Variants in LDB1 observed in about 807,000 individuals in gnomAD.
The protein encoded by LDB1 is LIM domain binding 1, also known as LIM domain-binding protein 1.
Under a neutral mutation model 49.7 loss-of-function variants are expected in LDB1, and 6 were observed. The ratio of observed to expected loss-of-function variants is 0.12; its 90% confidence interval spans 0.07 to 0.24. The LOEUF (loss-of-function observed/expected upper bound fraction) is 0.24, where lower values mean the gene tolerates loss of function less well. LDB1 is among the 10% of genes least tolerant of loss of function. The pLI is 1.00. For synonymous variants in LDB1, 233 were observed against 202.0 expected, an observed-to-expected ratio of 1.15 and a Z score of -1.30; for missense variants, 341 against 561.7, an observed-to-expected ratio of 0.61 and a Z score of 3.97.
rs923233367 is a variant in LDB1, at chr10:102,119,702, G to T, written c.25+384C>A. Among the ~76,000 whole-genome samples, 6 of 147,954 alleles carry T rather than the reference G, an allele frequency of 4.1e-5. 1 individual carries two copies. The highest frequency in any genetic ancestry group is 7.5e-5 in the Non-Finnish European group (5 of 66,890). ...TAAGAGGCAATGGGCAGCAGGGAAGGGGGGGCAGCCCAAACCAGCCAATCA... is the reference window on the plus strand; with the variant it reads ...TAAGAGGCAATGGGCAGCAGGGAAGTGGGGGCAGCCCAAACCAGCCAATCA... On this transcript the variant is annotated intron_variant, in intron 1 of 10. Coordinates refer to ENST00000673968, the MANE Select transcript of LDB1 (RefSeq NM_001113407.3).
At chr10:102,112,105 C>G (rs2068264697) in intron 1 of LDB1, among the ~76,000 whole-genome samples, 1 of 152,084 alleles carries the variant, frequency 6.6e-6, no homozygotes, top group Non-Finnish European at 1.5e-5. Context: ...TTGGCTGAGT[C>G]CTAGATGACA....
downstream of LDB1, among the ~76,000 whole-genome samples, chr10:102,105,263 G>A (rs548694058): frequency 1.3e-5 from 2 of 152,290 alleles, no homozygotes; most frequent in East Asian, 3.9e-4. Flanking sequence ...GAAGAGTTGG[G>A]GGTGGGGTGC....
At chr10:102,103,082 TG>T (rs1267969904), downstream of LDB1, among the ~76,000 whole-genome samples, 1 of 152,174 alleles carries the variant, frequency 6.6e-6, no homozygotes, top group Non-Finnish European at 1.5e-5. Context: ...CAGGCTGGAG[TG>T]CAGTGGCACA....
chr10:102,109,856 G>A lies in LDB1; in HGVS notation c.648+65C>T, dbSNP rs890941530. On this transcript the variant is annotated intron_variant, in intron 7 of 10. Coordinates refer to ENST00000673968, the MANE Select transcript of LDB1 (RefSeq NM_001113407.3). The surrounding 1 kb of genome is among the most constrained non-coding windows in gnomAD (Gnocchi z 5.8). ...CTAAGTAGTCAGTCGGGAAATGGCA[G>A]ACCTTGTTCCACCCTTCCCCCGCCT... 7.4e-5 allele frequency: 117 copies of A among 1,586,840 alleles called. No individual in the cohort carries two copies. The South Asian group carries it at 1.1e-3, about 15-fold the overall frequency.
rs541946512 is a variant in LDB1 at position 102,110,610 on chromosome 10, C to T, written c.444G>A (p.Glu148=). 7.3e-5 allele frequency: 118 copies of T among 1,614,074 alleles called. 2 individuals are homozygous for T. The South Asian group carries it at 1.3e-3, about 17-fold the overall frequency. ...GGGACACAAAGTTGCTGTGGAATGC[C>T]TCCTTGGGGTGCTTAAGAACATAGT... ...ELYYVLKHPK[E]AFHSNFVSLD... The change falls in exon 6 of 11, where the codon GAG becomes GAA. Residue 148 remains glutamate (E), a synonymous_variant. Coordinates refer to ENST00000673968, the MANE Select transcript of LDB1 (RefSeq NM_001113407.3).
At chr10:102,120,941 C>G (rs1019093404), upstream of LDB1, among the ~76,000 whole-genome samples, 1 of 152,154 alleles carries the variant, frequency 6.6e-6, no homozygotes, top group Non-Finnish European at 1.5e-5. Context: ...TCTGGAGGCC[C>G]CTTGTTTCGC....
At position 102,117,242 on chromosome 10, in the gene LDB1, G is replaced by A. The variant is rs1590290097; in HGVS notation, c.25+2844C>T. Among the ~76,000 whole-genome samples the A allele has an allele frequency of 6.6e-6, 1 of 152,272 alleles. No homozygotes were observed. The highest frequency in any genetic ancestry group is 3.4e-3 in the Middle Eastern group (1 of 294). On this transcript the variant is annotated intron_variant, in intron 1 of 10. Transcript: ENST00000673968. This position sits in a 1 kb window ranked among gnomAD's most constrained non-coding sequence, Gnocchi z 4.2. ...TCCAGTCTCGCTGTGGGGTGGAGGG[G>A]CCCCTAAATGCCAAGATGTATCGAC...
At chr10:102,119,700 A>AG (rs1298906630) in intron 1 of LDB1, among the ~76,000 whole-genome samples, 8 of 139,052 alleles carry the variant, frequency 5.8e-5, no homozygotes, top group African/African-American at 1.6e-4. Flanking sequence ...GCAGCAGGGA[A>AG]GGGGGGGCAG....
Position 102,108,022 on chromosome 10 carries a change from G to A in LDB1, c.*71C>T. ...TTTAGATGCTCAGTCTCTTCATTCT[G>A]TCTTCTGCTCCCTGGGGCTGTGAGG... On this transcript the variant is annotated 3_prime_UTR_variant, in exon 11 of 11. Transcript: ENST00000673968. The A allele has an allele frequency of 8.3e-7, 1 of 1,201,190 alleles. No individual in the cohort carries two copies. Among genetic ancestry groups the A allele is most frequent in the Admixed American group, 1.7e-5 (1 of 57,690 alleles). 74.4% of individuals were successfully genotyped at this position (1,201,190 alleles called of 1,614,324 possible). A position where few individuals can be genotyped will look rare whatever the true frequency, so the allele number is the denominator to read the frequency against.
At chr10:102,110,351 A>T in intron 6 of LDB1, 178 bp downstream of exon 6, 2 of 683,514 alleles carry the variant, frequency 2.9e-6, no homozygotes, top group South Asian at 3.8e-5. Context: ...GGCCCAGAAA[A>T]CTATCCCATA....
chr10:102,111,318 C>CT lies in LDB1; in HGVS notation c.129-19dup. On this transcript the variant is annotated intron_variant, in intron 2 of 10. Coordinates refer to ENST00000673968, the MANE Select transcript of LDB1 (RefSeq NM_001113407.3). ...GAGTTGGGCTGTGTAAAGGAAGAGGCTATGAGAATGGGGGTTGAAGATAGG... is the reference window on the plus strand; with the variant it reads ...GAGTTGGGCTGTGTAAAGGAAGAGGCTTATGAGAATGGGGGTTGAAGATAGG... The CT allele has an allele frequency of 6.2e-7, 1 of 1,613,608 alleles. No homozygotes were observed. Among genetic ancestry groups the CT allele is most frequent in the Non-Finnish European group, 8.5e-7 (1 of 1,179,586 alleles).
At chr10:102,114,436 C>CG (rs2068302869) in intron 1 of LDB1, 1 of 986,078 alleles carries the variant, frequency 1.0e-6, no homozygotes, top group South Asian at 4.7e-5. Context: ...AGGAGAGGTA[C>CG]GGGGGAGCGA....
chr10:102,117,425 G>C lies in LDB1; in HGVS notation c.25+2661C>G, dbSNP rs2133529694. On this transcript the variant is annotated intron_variant, in intron 1 of 10. Transcript: ENST00000673968. The surrounding 1 kb of genome is among the most constrained non-coding windows in gnomAD (Gnocchi z 4.2). ...GCCTTAGAATTGGTGGTGAGGTGGA[G>C]GGAGCAGCAAATAATGACAAAGATG... is the stretch of plus-strand genomic sequence containing the variant. Among the ~76,000 whole-genome samples the C allele has an allele frequency of 6.6e-6, 1 of 152,316 alleles. No homozygotes were observed.
chr10:102,114,576 G>A, intron 1 of LDB1: 1 of 985,564 alleles, frequency 1.0e-6, no homozygotes, highest in African/African-American at 1.7e-5. Context: ...AGACTCGCAC[G>A]CACTGCCTCG....
At chr10:102,110,429 A>G in intron 6 of LDB1, 100 bp downstream of exon 6, 2 of 1,268,164 alleles carry the variant, frequency 1.6e-6, no homozygotes, top group Middle Eastern at 2.6e-4. Flanking sequence ...GCCAGTTCAC[A>G]TTATGCCTCC....
intron 6 of LDB1, chr10:102,110,259 T>C: frequency 1.6e-6 from 1 of 630,012 alleles, no homozygotes; most frequent in Non-Finnish European, 2.7e-6. Context: ...CAGATCCTTG[T>C]CCTCTCCCCA....
At chr10:102,103,502 CTTAT>C (rs1289624507), downstream of LDB1, among the ~76,000 whole-genome samples, 6 of 152,014 alleles carry the variant, frequency 3.9e-5, no homozygotes, top group African/African-American at 1.2e-4. Context: ...CCACACTCAG[CTTAT>C]TTATTTATTT....
upstream of LDB1, among the ~76,000 whole-genome samples, chr10:102,120,755 C>T (rs758451766): frequency 6.6e-6 from 1 of 152,160 alleles, no homozygotes; most frequent in African/African-American, 2.4e-5. Flanking sequence ...CGGTGTCCGT[C>T]CTCCGGGTGC....
At chr10:102,103,053 A>G (rs745529028), downstream of LDB1, among the ~76,000 whole-genome samples, 18 of 152,334 alleles carry the variant, frequency 1.2e-4, no homozygotes, top group Non-Finnish European at 2.2e-4. Flanking sequence ...TATTTGAGAC[A>G]AAGTGTTACT....
Sources: gnomAD v4.1 joint callset for allele counts (sites outside exome capture counted in the v4.1 genomes callset) on GRCh38, gnomAD v4.1.1 for gene constraint, Gnocchi (gnomAD v3.1) non-coding constraint, MANE v1.5 for transcripts, NCBI Gene and HGNC (gene_info 2026-07-23, HGNC 2026-07-21) for gene names.